The following SLC35E2B variants were observed in gnomAD, a reference collection of about 807,000 sequenced individuals.
The protein encoded by SLC35E2B is solute carrier family 35, member E2B.
A neutral mutation model predicts 32.4 loss-of-function variants in SLC35E2B; 18 were observed. The observed-to-expected ratio is 0.56, with a 90% CI of 0.38 to 0.82. The LOEUF (loss-of-function observed/expected upper bound fraction) is 0.82. Ranked by LOEUF, SLC35E2B falls within the 40% of genes least tolerant of loss-of-function variation. The pLI, the probability that SLC35E2B is intolerant of heterozygous loss-of-function variation, is 0.00. For missense variants in SLC35E2B, 263 were observed against 469.5 expected, an observed-to-expected ratio of 0.56 and a Z score of 4.06; for synonymous variants, 132 against 209.1, an observed-to-expected ratio of 0.63 and a Z score of 3.18.
In SLC35E2B at chr1:1,665,656, C is replaced by T. The variant is rs147285260; in HGVS notation, c.*126G>A. The T allele has an allele frequency of 1.2e-4, 163 of 1,402,434 alleles. No homozygotes were observed. The highest frequency in any genetic ancestry group is 1.4e-4 in the Non-Finnish European group (147 of 1,064,152). The allele number at this position is 1,402,434 out of a possible 1,614,324, so 86.9% of individuals were successfully genotyped here. ...GTCTTCACCGACAAACCGAGAAAGC[C>T]GCAGGCAATGGCCAACTTAGCTCCC... On this transcript the variant is annotated 3_prime_UTR_variant, in exon 10 of 10. Transcript: ENST00000617444.
At chr1:1,667,274 G>A (rs1294124562) in intron 9 of SLC35E2B, among the ~76,000 whole-genome samples, 27 of 151,718 alleles carry the variant, frequency 1.8e-4, no homozygotes, top group Admixed American at 7.9e-4. Flanking sequence ...TTAGCCGGGC[G>A]TGGTGGCAGT....
At chr1:1,679,243 C>T (rs1403594105) in intron 2 of SLC35E2B, among the ~76,000 whole-genome samples, 3 of 152,212 alleles carry the variant, frequency 2.0e-5, no homozygotes, top group Non-Finnish European at 4.4e-5. Context: ...ACGCCAGTCA[C>T]GTCCCACCTG....
intron 2 of SLC35E2B, among the ~76,000 whole-genome samples, chr1:1,688,498 G>A (rs1643979325): frequency 6.6e-6 from 1 of 151,688 alleles, no homozygotes; most frequent in Admixed American, 6.6e-5. Context: ...TACTCAGGAG[G>A]CTGAGCCAGG....
chr1:1,666,161 G>T, intron 9 of SLC35E2B, 142 bp from the exon 10 acceptor site: 1 of 1,045,294 alleles, frequency 9.6e-7, no homozygotes, highest in African/African-American at 1.6e-5. Context: ...CCTGCGGCCA[G>T]CAGCTCGGCT....
At chr1:1,673,643 C>G (rs945778345) in intron 5 of SLC35E2B, among the ~76,000 whole-genome samples, 11 of 151,318 alleles carry the variant, frequency 7.3e-5, no homozygotes, top group Non-Finnish European at 1.2e-4. Context: ...GCACTCCAGC[C>G]TGGGCAACAA....
chr1:1,673,224 G>A (rs910889050), intron 5 of SLC35E2B: 1 of 400,914 alleles, frequency 2.5e-6, no homozygotes, highest in East Asian at 8.0e-5. Flanking sequence ...ACAAAAATGA[G>A]GCTGGGGGTG....
chr1:1,668,327 C>T lies in SLC35E2B; in HGVS notation c.980G>A (p.Ser327Asn). 1 of 1,606,376 alleles carries T rather than the reference C, an allele frequency of 6.2e-7. No homozygotes were observed. The highest frequency in any genetic ancestry group is 8.5e-7 in the Non-Finnish European group (1 of 1,176,620). ...ACTCTTGGGAAGTTCCTCTGCTCACCTGAAAGTCACCGGGGAGATTTTCCC... is the reference window on the plus strand; with the variant it reads ...ACTCTTGGGAAGTTCCTCTGCTCACTTGAAAGTCACCGGGGAGATTTTCCC... ...LMGKISPVTF[S>N]VASTVKHALS... Residue 327 changes from serine (S) to asparagine (N), a missense_variant and splice_region_variant, in exon 9 of 10, where the codon AGC becomes AAC. Ser to Asn is a conservative substitution (Grantham distance 46). Around this residue, in one of 7 missense-constraint regions of SLC35E2B, gnomAD observed 38 missense variants for 56.9 expected, o/e 0.67. Coordinates refer to ENST00000617444, the MANE Select transcript of SLC35E2B (RefSeq NM_001290264.2).
intron 2 of SLC35E2B, among the ~76,000 whole-genome samples, chr1:1,688,938 G>A (rs1166223766): frequency 9.9e-5 from 15 of 151,774 alleles, no homozygotes; most frequent in South Asian, 4.2e-4. Context: ...TTGGGAGGCC[G>A]AGGTGGGCGC....
chr1:1,677,825 CT>C (rs1205172394), intron 2 of SLC35E2B, among the ~76,000 whole-genome samples: 2 of 151,946 alleles, frequency 1.3e-5, no homozygotes, highest in Non-Finnish European at 2.9e-5. Context: ...GCGACTGTGG[CT>C]TCGGGGCGAG....
At chr1:1,678,298 C>T (rs554066046) in intron 2 of SLC35E2B, among the ~76,000 whole-genome samples, 72 of 152,238 alleles carry the variant, frequency 4.7e-4, no homozygotes, top group Non-Finnish European at 7.9e-4. Flanking sequence ...ATGAAGACCT[C>T]GCCTGGGTGC....
At chr1:1,689,432 T>C (rs2101122004) in intron 2 of SLC35E2B, among the ~76,000 whole-genome samples, 1 of 151,716 alleles carries the variant, frequency 6.6e-6, no homozygotes, top group Admixed American at 6.6e-5. Context: ...GGGAAGGTGC[T>C]GTTATCACCC....
intron 2 of SLC35E2B, among the ~76,000 whole-genome samples, chr1:1,678,652 GA>G (rs780318681): frequency 6.6e-6 from 1 of 152,040 alleles, no homozygotes; most frequent in Non-Finnish European, 1.5e-5. Context: ...CACAGCCTCG[GA>G]ATAACAAAGG....
At chr1:1,677,348 T>C (rs1643862452) in intron 2 of SLC35E2B, among the ~76,000 whole-genome samples, 1 of 151,286 alleles carries the variant, frequency 6.6e-6, no homozygotes, top group Non-Finnish European at 1.5e-5. Flanking sequence ...CCTGGCACAC[T>C]TGACTGTCGT....
intron 2 of SLC35E2B, among the ~76,000 whole-genome samples, chr1:1,684,794 A>AG (rs1643931455): frequency 2.1e-5 from 3 of 146,106 alleles, no homozygotes; most frequent in Admixed American, 2.1e-4. Flanking sequence ...CATCTCAAAA[A>AG]AAAAAAAAAA....
chr1:1,677,282 T>C (rs1010639482), intron 2 of SLC35E2B, among the ~76,000 whole-genome samples: 19 of 142,688 alleles, frequency 1.3e-4, no homozygotes. Context: ...TTTTAGCAAT[T>C]GAATCCCGTT....
intron 2 of SLC35E2B, among the ~76,000 whole-genome samples, chr1:1,688,000 C>T (rs1024304838): frequency 1.2e-4 from 19 of 152,102 alleles, no homozygotes; most frequent in African/African-American, 4.6e-4. Flanking sequence ...GTGGGAAAGA[C>T]ACCAGAGGAG....
chr1:1,666,982 G>A lies in SLC35E2B; in HGVS notation c.981-963C>T, dbSNP rs1469841136. ...TAGCCGGGCATGGTGGCACACGCCTGTAATCCCAGCTACTTGGGAGGCTGA... is the reference window on the plus strand; with the variant it reads ...TAGCCGGGCATGGTGGCACACGCCTATAATCCCAGCTACTTGGGAGGCTGA... On this transcript the variant is annotated intron_variant, in intron 9 of 9. Transcript: ENST00000617444. Among the ~76,000 whole-genome samples, 8 of 124,982 alleles carry A rather than the reference G, an allele frequency of 6.4e-5. 2 individuals carry two copies. The highest frequency in any genetic ancestry group is 2.5e-4 in the African/African-American group (8 of 32,166). 82.0% of individuals were successfully genotyped at this position (124,982 alleles called of 152,430 possible). A position where few individuals can be genotyped will look rare whatever the true frequency, so the allele number is the denominator to read the frequency against.
At chr1:1,670,384 A>AG (rs1160478425) in intron 6 of SLC35E2B, 1 of 443,032 alleles carries the variant, frequency 2.3e-6, no homozygotes, top group Non-Finnish European at 4.1e-6. Flanking sequence ...AGCCTCCCAA[A>AG]GTGCTGGGAT....
intron 2 of SLC35E2B, among the ~76,000 whole-genome samples, chr1:1,684,587 T>C (rs1488962933): frequency 1.3e-5 from 2 of 151,844 alleles, no homozygotes; most frequent in African/African-American, 2.4e-5. Context: ...GTCAGGAGAT[T>C]GAGACCATCC....
Sources: gnomAD v4.1 joint callset for allele counts (sites outside exome capture counted in the v4.1 genomes callset) on GRCh38, gnomAD v4.1.1 for gene constraint, gnomAD v4.1.1 regional missense constraint, MANE v1.5 for transcripts, NCBI Gene and HGNC (gene_info 2026-07-23, HGNC 2026-07-21) for gene names.